CD163: variants seen among roughly 807,000 people sequenced by gnomAD.
CD163 encodes scavenger receptor cysteine-rich type 1 protein M130.
Under a neutral mutation model 129.2 loss-of-function variants are expected in CD163, and 64 were observed. The ratio of observed to expected loss-of-function variants is 0.50; its 90% CI spans 0.41 to 0.61. CD163 has a LOEUF of 0.61. CD163 is among the 20% of genes least tolerant of loss of function. CD163 has a pLI of 0.00. For synonymous variants in CD163, 446 were observed against 478.5 expected, an observed-to-expected ratio of 0.93 and a Z score of 0.89; for missense variants, 1,061 against 1,377.9, an observed-to-expected ratio of 0.77 and a Z score of 3.64.
At position 7,499,181 on chromosome 12, in the gene CD163, G is replaced by A; in HGVS notation, c.465C>T (p.Ser155=). The A allele has an allele frequency of 6.2e-7, 1 of 1,609,284 alleles. No homozygotes were observed. Among genetic ancestry groups the A allele is most frequent in the Non-Finnish European group, 8.5e-7 (1 of 1,178,554 alleles). Residue 155 remains serine (S), a synonymous_variant, in exon 4 of 17, where the codon TCC becomes TCT. Transcript: ENST00000432237. ...QDAGVTCSDG[S]NLEMRLTRGG... ...CACGCGTCAGCCTCATTTCCAAATT[G>A]GATCCATCTGGAGCAGAGAAAAGAC...
chr12:7,482,556 G>T, intron 14 of CD163, 87 bp downstream of exon 14: 1 of 1,404,856 alleles, frequency 7.1e-7, no homozygotes, highest in Non-Finnish European at 9.8e-7. Context: ...CCATCTTTCT[G>T]GCCATTAGAC....
chr12:7,476,929 A>C (rs1949096327), intron 16 of CD163, among the ~76,000 whole-genome samples: 1 of 152,226 alleles, frequency 6.6e-6, no homozygotes, highest in South Asian at 2.1e-4. Context: ...TGGGCAAAGG[A>C]TATGAACAGA....
chr12:7,501,031 G>T, intron 3 of CD163, 108 bp downstream of exon 3: 1 of 882,352 alleles, frequency 1.1e-6, no homozygotes, highest in Non-Finnish European at 1.8e-6. Context: ...TTTTATACAT[G>T]AACTAGATTG....
intron 6 of CD163, among the ~76,000 whole-genome samples, chr12:7,493,658 C>T (rs1200959027): frequency 6.6e-6 from 1 of 151,496 alleles, no homozygotes; most frequent in Non-Finnish European, 1.5e-5. Context: ...AATCTATAAC[C>T]TAAAATATTT....
chr12:7,503,703 T>C lies in CD163; in HGVS notation c.-13A>G. 1 of 1,545,478 alleles carries C rather than the reference T, an allele frequency of 6.5e-7. No homozygotes were observed. The highest frequency in any genetic ancestry group is 8.9e-7 in the Non-Finnish European group (1 of 1,122,598). The stretch of plus-strand genomic sequence containing the variant: ...TGAGTTTGCTCATTCCAAAGATTTA[T>C]AACTTCAATGATTCCTAAATCTTCT... On this transcript the variant is annotated 5_prime_UTR_variant, in exon 1 of 17. Coordinates refer to ENST00000432237, the MANE Select transcript of CD163 (RefSeq NM_203416.4).
chr12:7,473,226 A>G (rs78832283), intron 16 of CD163: 1 of 152,200 alleles, frequency 6.6e-6, no homozygotes, highest in Non-Finnish European at 1.5e-5. Flanking sequence ...TACAGGGAAC[A>G]CCACTAAGAT....
chr12:7,485,357 C>T lies in CD163; in HGVS notation c.2518G>A (p.Glu840Lys). 1 of 1,614,208 alleles carries T rather than the reference C, an allele frequency of 6.2e-7. No homozygotes were observed. Among genetic ancestry groups the T allele is most frequent in the East Asian group, 2.2e-5 (1 of 44,886 alleles). The change falls in exon 11 of 17, where the codon GAA (glutamate) becomes AAA (lysine). Residue 840 changes from glutamate (E) to lysine (K), a missense_variant. Transcript: ENST00000432237. The surrounding 1 kb of genome is among the most constrained non-coding windows in gnomAD (Gnocchi z 4.5). ...ASREACAGRL[E>K]VFYNGAWGTV... ...CCCCAAGCTCCATTGTAAAAAACTT[C>T]CAGACGCCCTGCACAGGCCTCTCTG... is the stretch of plus-strand genomic sequence containing the variant.
Position 7,503,676 on chromosome 12 carries a change from T to C in CD163, c.15A>G (p.Arg5=). Residue 5 remains arginine, a synonymous_variant, in exon 1 of 17, where the codon AGA becomes AGG. Transcript: ENST00000432237. Reference sequence around the variant, plus strand: ...ATCCAGAGTCTTCAAGTAGCACCATTCTGAGTTTGCTCATTCCAAAGATTT... The same window carrying C: ...ATCCAGAGTCTTCAAGTAGCACCATCCTGAGTTTGCTCATTCCAAAGATTT... MSKL[R]MVLLEDSGSA... 1 of 1,601,916 alleles carries C rather than the reference T, an allele frequency of 6.2e-7. No homozygotes were observed. The highest frequency in any genetic ancestry group is 8.5e-7 in the Non-Finnish European group (1 of 1,171,152).
At chr12:7,490,953 G>A (rs1949319105) in intron 6 of CD163, among the ~76,000 whole-genome samples, 1 of 151,810 alleles carries the variant, frequency 6.6e-6, no homozygotes. Flanking sequence ...CTTTATTCAA[G>A]CATGAAATTT....
chr12:7,487,939 T>G lies in CD163; in HGVS notation c.1569A>C (p.Thr523=). ...SVLCRELQCG[T]VVSILGGAHF... ...GAGCTCCCCCCAGGATAGAGACAAC[T>G]GTGCCACACTGTAATTCCCTGCATA... is the stretch of plus-strand genomic sequence containing the variant. The change falls in exon 7 of 17, where the codon ACA becomes ACC. Residue 523 remains threonine, a synonymous_variant. Transcript: ENST00000432237. This position sits in a 1 kb window ranked among gnomAD's most constrained non-coding sequence, Gnocchi z 5.1. 7 of 1,614,086 alleles carry G rather than the reference T, an allele frequency of 4.3e-6. No individual in the cohort carries two copies. Among genetic ancestry groups the G allele is most frequent in the Non-Finnish European group, 5.9e-6 (7 of 1,180,002 alleles).
In CD163 at chr12:7,495,393, C is replaced by T. The variant is rs1949386418; in HGVS notation, c.1108G>A (p.Asp370Asn). The change falls in exon 6 of 17, where the codon GAT becomes AAT. Residue 370 changes from aspartate (D) to asparagine (N), a missense_variant. By Grantham distance (23) the Asp-to-Asn change is conservative (BLOSUM62 1). Transcript: ENST00000432237. The stretch of plus-strand genomic sequence containing the variant: ...CCACCTCTAAGTCTTAGCTCCAGAT[C>T]TGATCCATCTGCAAAAGAAACATAA... The part of the protein sequence containing the change: ...DAGVTCSDGS[D>N]LELRLRGGGS... 1.2e-6 allele frequency: 2 copies of T among 1,612,408 alleles called. No individual in the cohort carries two copies. The highest frequency in any genetic ancestry group is 1.7e-6 in the Non-Finnish European group (2 of 1,178,670).
At position 7,486,812 on chromosome 12, in the gene CD163, C is replaced by T. The variant is rs1185779850; in HGVS notation, c.2145G>A (p.Glu715=). 7.5e-6 allele frequency: 12 copies of T among 1,608,242 alleles called. No individual in the cohort carries two copies. The highest frequency in any genetic ancestry group is 1.0e-5 in the Non-Finnish European group (12 of 1,176,066). ...IPEESAVACI[E]SGQLRLVNGG... ...CATTTACCAGGCGAAGTTGACCACT[C>T]TCTGCAAAGAGAAATGAAACTATTA... The change falls in exon 10 of 17, where the codon GAG becomes GAA. Residue 715 remains glutamate (E), a splice_region_variant and synonymous_variant. Coordinates refer to ENST00000432237, the MANE Select transcript of CD163 (RefSeq NM_203416.4).
At position 7,485,981 on chromosome 12, in the gene CD163, G is replaced by A. The variant is rs1426175582; in HGVS notation, c.2458+518C>T. Among the ~76,000 whole-genome samples the A allele has an allele frequency of 5.3e-5, 8 of 152,158 alleles. No individual in the cohort carries two copies. The highest frequency in any genetic ancestry group is 5.2e-4 in the Admixed American group (8 of 15,278). ...TGAAATAGTACATTTTTAAATTTCA[G>A]AATGTTTTCTAAAACTCACCATGTA... On this transcript the variant is annotated intron_variant, in intron 10 of 16. Transcript: ENST00000432237. The surrounding 1 kb of genome is among the most constrained non-coding windows in gnomAD (Gnocchi z 4.5).
intron 2 of CD163, among the ~76,000 whole-genome samples, chr12:7,501,793 A>G (rs773100357): frequency 6.6e-6 from 1 of 152,332 alleles, no homozygotes; most frequent in South Asian, 2.1e-4. Context: ...ACAAAACGTT[A>G]TGGGGATGAA....
At chr12:7,495,470 T>C (rs1279040143) in intron 5 of CD163, 69 bp from the exon 6 acceptor site, 2 of 1,371,560 alleles carry the variant, frequency 1.5e-6, no homozygotes, top group Non-Finnish European at 1.0e-6. Context: ...TTTTTTTTTG[T>C]CTTTTTTCTT....
chr12:7,503,537 A>G lies in CD163; in HGVS notation c.46+108T>C, dbSNP rs978802808. 9.0e-6 allele frequency: 6 copies of G among 666,382 alleles called. No homozygotes were observed. The African/African-American group carries it at 9.2e-5, about 10-fold the overall frequency. The allele number at this position is 666,382 out of a possible 1,614,324, so 41.3% of individuals were successfully genotyped here. On this transcript the variant is annotated intron_variant, in intron 1 of 16. Transcript: ENST00000432237. ...CCATATAAGCCTATGTCCTTTTTCCACTCCTTACTCTCCTGATGCCAATCA... is the reference window on the plus strand; with the variant it reads ...CCATATAAGCCTATGTCCTTTTTCCGCTCCTTACTCTCCTGATGCCAATCA...
intron 16 of CD163, among the ~76,000 whole-genome samples, chr12:7,479,251 A>G (rs1949128610): frequency 2.0e-5 from 3 of 152,152 alleles, no homozygotes; most frequent in Admixed American, 1.3e-4. Flanking sequence ...GTCTTTGCCA[A>G]TAGTAGATTT....
At chr12:7,493,915 C>A (rs748602661) in intron 6 of CD163, among the ~76,000 whole-genome samples, 1 of 151,934 alleles carries the variant, frequency 6.6e-6, no homozygotes, top group East Asian at 1.9e-4. Flanking sequence ...TGAATACACA[C>A]GGTAATAAAT....
chr12:7,498,759 C>A, intron 4 of CD163, 109 bp downstream of exon 4: 1 of 1,094,188 alleles, frequency 9.1e-7, no homozygotes, highest in Non-Finnish European at 1.3e-6. Context: ...AATGCGGTGA[C>A]AAAAGAAGCA....
Sources: gnomAD v4.1 joint callset for allele counts (sites outside exome capture counted in the v4.1 genomes callset) on GRCh38, gnomAD v4.1.1 for gene constraint, Gnocchi (gnomAD v3.1) non-coding constraint, MANE v1.5 for transcripts, NCBI Gene and HGNC (gene_info 2026-07-23, HGNC 2026-07-21) for gene names.